TMEM63A: variants seen among roughly 807,000 people sequenced by gnomAD.
TMEM63A encodes the protein transmembrane protein 63A, also known as mechanosensitive cation channel TMEM63A.
In TMEM63A, 76 loss-of-function variants were observed where a neutral mutation model predicts 100.6. That is an observed-to-expected ratio of 0.76 (90% CI 0.63 to 0.91). TMEM63A has a LOEUF of 0.91. Among genes scored for constraint, TMEM63A ranks in the 40% least tolerant of loss-of-function variants. TMEM63A has a pLI of 0.00. For missense variants in TMEM63A, 876 were observed against 1,008.8 expected (o/e 0.87, Z 1.78); for synonymous variants, 401 against 401.1 (o/e 1.00, Z 0.00).
At position 225,862,049 on chromosome 1, in the gene TMEM63A, G is replaced by C. The variant is rs982405816; in HGVS notation, c.1085+169C>G. 6.6e-6 allele frequency: 7 copies of C among 1,059,056 alleles called. No individual in the cohort carries two copies. The Admixed American group carries it at 1.6e-4, about 24-fold the overall frequency. The allele number at this position is 1,059,056 out of a possible 1,614,324, so 65.6% of individuals were successfully genotyped here. On this transcript the variant is annotated intron_variant, in intron 13 of 24. Coordinates refer to ENST00000366835, the MANE Select transcript of TMEM63A (RefSeq NM_014698.3). The surrounding 1 kb of genome is among the most constrained non-coding windows in gnomAD (Gnocchi z 5.1). ...ACCGCCTGTTACACAAACATGGGCT[G>C]GGCTGGCTGAAAGTGAGTGTGGGTA...
intron 20 of TMEM63A, among the ~76,000 whole-genome samples, chr1:225,852,057 T>C (rs12071413): frequency 0.037 from 5,565 of 152,342 alleles, 316 homozygotes; most frequent in African/African-American, 0.13. Flanking sequence ...ACGAGAGCTT[T>C]GATTGTGACT....
At chr1:225,845,250 C>A, downstream of TMEM63A, 1 of 1,614,044 alleles carries the variant, frequency 6.2e-7, no homozygotes, top group Admixed American at 1.7e-5. Context: ...ATCTCCTATT[C>A]CTACATGGTT....
Position 225,859,257 on chromosome 1 carries a change from GGT to G in TMEM63A, c.1314_1315del (p.Pro439LeufsTer11), listed in dbSNP as rs760808528. ...GTCCATGGTGGACAGGATGATGGAG[GGT>G]GTGGTCAGGAAAAATAGCCCCAGGA... On this transcript the variant is annotated frameshift_variant, in exon 15 of 25. Transcript: ENST00000366835. LOFTEE classifies it high-confidence loss of function. 1 of 1,614,088 alleles carries G rather than the reference GGT, an allele frequency of 6.2e-7. No homozygotes were observed. Among genetic ancestry groups the G allele is most frequent in the Non-Finnish European group, 8.5e-7 (1 of 1,180,028 alleles).
At chr1:225,857,648 G>A (rs985466884) in intron 15 of TMEM63A, among the ~76,000 whole-genome samples, 2 of 151,454 alleles carry the variant, frequency 1.3e-5, no homozygotes, top group African/African-American at 4.9e-5. Flanking sequence ...GTAAATTAAC[G>A]ATAAAAGATC....
At chr1:225,856,333 T>TTC (rs1669610490) in intron 17 of TMEM63A, among the ~76,000 whole-genome samples, 1 of 149,110 alleles carries the variant, frequency 6.7e-6, no homozygotes, top group Non-Finnish European at 1.5e-5. Flanking sequence ...GCTGGTTTTT[T>TTC]TTTTTTTTTT....
rs571645853 is a variant in TMEM63A at position 225,853,104 on chromosome 1, A to C, written c.1798-335T>G. The stretch of plus-strand genomic sequence containing the variant: ...AGGGGATCCTGGGCCAGCTTAGTTC[A>C]TGCCTCTGTGAAATCGGGATACTAG... On this transcript the variant is annotated intron_variant, in intron 19 of 24. Transcript: ENST00000366835. The surrounding 1 kb of genome is among the most constrained non-coding windows in gnomAD (Gnocchi z 4.0). 6.6e-6 allele frequency among the ~76,000 whole-genome samples: 1 copy of C among 152,334 alleles called. No homozygotes were observed. Among genetic ancestry groups the C allele is most frequent in the South Asian group, 2.1e-4 (1 of 4,826 alleles).
At chr1:225,871,282 C>T (rs567903447) in intron 5 of TMEM63A, among the ~76,000 whole-genome samples, 169 bp from the exon 6 acceptor site, 1 of 152,344 alleles carries the variant, frequency 6.6e-6, no homozygotes, top group Non-Finnish European at 1.5e-5. Context: ...ATATACACCA[C>T]ATGCCTGGAA....
rs1164833867 is a variant in TMEM63A, at chr1:225,865,591, AT to A, written c.746+305del. On this transcript the variant is annotated intron_variant, in intron 10 of 24. Transcript: ENST00000366835. This position sits in a 1 kb window ranked among gnomAD's most constrained non-coding sequence, Gnocchi z 4.6. ...GATGCTAAGAACCCCGGGGTCAACA[AT>A]TTTTTCCCCCGTATGCTCTCAAGAC... 7 of 295,890 alleles carry A rather than the reference AT, an allele frequency of 2.4e-5. No homozygotes were observed. The highest frequency in any genetic ancestry group is 6.0e-5 in the South Asian group (1 of 16,582). The allele number at this position is 295,890 out of a possible 1,614,324, so 18.3% of individuals were successfully genotyped here.
intron 24 of TMEM63A, 44 bp downstream of exon 24, chr1:225,846,990 T>C (rs1669027142): frequency 6.4e-7 from 1 of 1,555,924 alleles, no homozygotes. Context: ...ACCTGTCTTC[T>C]CACCCCACAG....
rs1669444097 is a variant in TMEM63A at position 225,853,235 on chromosome 1, G to A, written c.1797+394C>T. On this transcript the variant is annotated intron_variant, in intron 19 of 24. Coordinates refer to ENST00000366835, the MANE Select transcript of TMEM63A (RefSeq NM_014698.3). This position sits in a 1 kb window ranked among gnomAD's most constrained non-coding sequence, Gnocchi z 4.0. ...ATGGCAGAGGAGAATAAAAGAGAAA[G>A]CCACACCCTCCAGTTCAGGGAATCC... Among the ~76,000 whole-genome samples, 1 of 152,212 alleles carries A rather than the reference G, an allele frequency of 6.6e-6. No individual in the cohort carries two copies. The highest frequency in any genetic ancestry group is 1.5e-5 in the Non-Finnish European group (1 of 68,042).
At chr1:225,858,037 A>C (rs1042588509) in intron 15 of TMEM63A, among the ~76,000 whole-genome samples, 1 of 152,240 alleles carries the variant, frequency 6.6e-6, no homozygotes, top group Admixed American at 6.5e-5. Context: ...TTTTAACTCC[A>C]GTTCTTGGAT....
chr1:225,843,226 G>T (rs990576487), downstream of TMEM63A, among the ~76,000 whole-genome samples: 2 of 152,170 alleles, frequency 1.3e-5, no homozygotes, highest in Non-Finnish European at 2.9e-5. Context: ...TTGTCTAAGC[G>T]GCAGAGAGGG....
At chr1:225,857,386 G>A (rs1011676954) in intron 15 of TMEM63A, among the ~76,000 whole-genome samples, 4 of 6,034 alleles carry the variant, frequency 6.6e-4, no homozygotes, top group Non-Finnish European at 1.2e-3. Context: ...CGGCGGGGCG[G>A]GGGGGGGGGG....
Position 225,860,931 on chromosome 1 carries a change from G to A in TMEM63A, c.1152C>T (p.Ser384=), listed in dbSNP as rs779516130. 5.0e-6 allele frequency: 8 copies of A among 1,613,000 alleles called. No homozygotes were observed. Among genetic ancestry groups the A allele is most frequent in the South Asian group, 1.1e-5 (1 of 90,858 alleles). ...SLQCKGEPQP[S]SHSRELYTSK... ...AGGTATAGAGCTCCCTGCTATGGGA[G>A]GACGGCTGGGGCTCACCTTTGCACT... Residue 384 remains serine (S), a synonymous_variant, in exon 14 of 25, where the codon TCC becomes TCT. Coordinates refer to ENST00000366835, the MANE Select transcript of TMEM63A (RefSeq NM_014698.3).
Position 225,862,154 on chromosome 1 carries a change from A to C in TMEM63A, c.1085+64T>G. 5 of 1,598,248 alleles carry C rather than the reference A, an allele frequency of 3.1e-6. No individual in the cohort carries two copies. The highest frequency in any genetic ancestry group is 4.3e-6 in the Non-Finnish European group (5 of 1,170,520). Reference sequence around the variant, plus strand: ...AGTACCATCTCCACTCGAGAGGGACAGTGAGTTATCTGGAGGGGAACAGGG... The same window carrying C: ...AGTACCATCTCCACTCGAGAGGGACCGTGAGTTATCTGGAGGGGAACAGGG... On this transcript the variant is annotated intron_variant, in intron 13 of 24. Coordinates refer to ENST00000366835, the MANE Select transcript of TMEM63A (RefSeq NM_014698.3). This position sits in a 1 kb window ranked among gnomAD's most constrained non-coding sequence, Gnocchi z 5.1.
chr1:225,858,948 ATGTGTGTG>A (rs57543496), intron 15 of TMEM63A, among the ~76,000 whole-genome samples: 48,158 of 139,446 alleles, frequency 0.35, 8,272 homozygotes, highest in Non-Finnish European at 0.38. Context: ...TATACATATA[ATGTGTGTG>A]TGTGTGTGTG....
At chr1:225,851,895 G>A (rs1669359362) in intron 20 of TMEM63A, among the ~76,000 whole-genome samples, 1 of 152,218 alleles carries the variant, frequency 6.6e-6, no homozygotes, top group South Asian at 2.1e-4. Flanking sequence ...TCTTTAAACA[G>A]TCCTGAGTTC....
In TMEM63A at chr1:225,862,572, C is replaced by T. The variant is rs1669998112; in HGVS notation, c.834G>A (p.Lys278=). ...TGTAATAGGTCAGGCTCTTCTCAGTCTTCTTTCTGTAGGGGTGGGAGCGGG... is the reference window on the plus strand; with the variant it reads ...TGTAATAGGTCAGGCTCTTCTCAGTTTTCTTTCTGTAGGGGTGGGAGCGGG... ...KLIYLCKEKK[K]TEKSLTYYTN... Residue 278 remains lysine (K), a synonymous_variant, in exon 12 of 25, where the codon AAG becomes AAA. Coordinates refer to ENST00000366835, the MANE Select transcript of TMEM63A (RefSeq NM_014698.3). The surrounding 1 kb of genome is among the most constrained non-coding windows in gnomAD (Gnocchi z 5.1). 1 of 1,613,476 alleles carries T rather than the reference C, an allele frequency of 6.2e-7. No individual in the cohort carries two copies. Among genetic ancestry groups the T allele is most frequent in the Non-Finnish European group, 8.5e-7 (1 of 1,179,806 alleles).
Position 225,865,938 on chromosome 1 carries a change from G to A in TMEM63A, c.705C>T (p.Leu235=), listed in dbSNP as rs370651830. 1 of 1,614,014 alleles carries A rather than the reference G, an allele frequency of 6.2e-7. No individual in the cohort carries two copies. Among genetic ancestry groups the A allele is most frequent in the Non-Finnish European group, 8.5e-7 (1 of 1,179,944 alleles). The part of the protein sequence containing the change: ...LVRRTLFITG[L]PRDARKETVE... ...CAGTCTCCTTCCTGGCATCTCTGGGGAGTCCTGTGATGAACAGGGTCCGCC... is the reference window on the plus strand; with the variant it reads ...CAGTCTCCTTCCTGGCATCTCTGGGAAGTCCTGTGATGAACAGGGTCCGCC... Residue 235 remains leucine, a synonymous_variant, in exon 10 of 25, where the codon CTC becomes CTT. Transcript: ENST00000366835. This position sits in a 1 kb window ranked among gnomAD's most constrained non-coding sequence, Gnocchi z 4.6.
Sources: gnomAD v4.1 joint callset for allele counts (sites outside exome capture counted in the v4.1 genomes callset) on GRCh38, gnomAD v4.1.1 for gene constraint, Gnocchi (gnomAD v3.1) non-coding constraint, MANE v1.5 for transcripts, NCBI Gene and HGNC (gene_info 2026-07-23, HGNC 2026-07-21) for gene names.